MCM9: variants seen among roughly 807,000 people sequenced by gnomAD.
MCM9 encodes minichromosome maintenance 9 homologous recombination repair factor.
MCM9 carries 55 observed loss-of-function variants against 72.8 expected under a neutral mutation model. The observed-to-expected ratio is 0.76, with a 90% CI of 0.61 to 0.95. The LOEUF (loss-of-function observed/expected upper bound fraction) is 0.95. Ranked by LOEUF, MCM9 falls within the 40% of genes least tolerant of loss-of-function variation. MCM9 has a pLI of 0.00. For missense variants in MCM9, 1,279 were observed against 1,377.0 expected (o/e 0.93, Z 1.13); for synonymous variants, 480 against 503.4 (o/e 0.95, Z 0.62).
chr6:118,888,306 A>G (rs1008316627), intron 8 of MCM9, among the ~76,000 whole-genome samples: 2 of 152,194 alleles, frequency 1.3e-5, no homozygotes, highest in East Asian at 3.9e-4. Flanking sequence ...CTAACACCGT[A>G]AAACCCCGTC....
At position 118,921,990 on chromosome 6, in the gene MCM9, T is replaced by A. The variant is rs1781469530; in HGVS notation, c.703+15A>T. 2 of 1,598,486 alleles carry A rather than the reference T, an allele frequency of 1.3e-6. No homozygotes were observed. Among genetic ancestry groups the A allele is most frequent in the Non-Finnish European group, 1.7e-6 (2 of 1,171,646 alleles). ...ACTACCTACACAAGCTAAAAAAAAA[T>A]TCCCCTCTTCTTACCAGATTTGCAA... On this transcript the variant is annotated intron_variant, in intron 5 of 13. Coordinates refer to ENST00000619706, the MANE Select transcript of MCM9 (RefSeq NM_017696.3).
intron 8 of MCM9, among the ~76,000 whole-genome samples, chr6:118,871,334 A>C (rs1777582017): frequency 6.6e-6 from 1 of 152,252 alleles, no homozygotes; most frequent in Non-Finnish European, 1.5e-5. Context: ...TATGCTAATC[A>C]GTAAATATGA....
chr6:118,918,084 G>A (rs920024173), intron 5 of MCM9: 8 of 296,218 alleles, frequency 2.7e-5, no homozygotes, highest in Admixed American at 4.8e-5. Flanking sequence ...AGTTACATTG[G>A]ATGAAATGTT....
chr6:118,900,939 T>C, intron 8 of MCM9: 1 of 1,185,198 alleles, frequency 8.4e-7, no homozygotes, highest in East Asian at 2.3e-5. Flanking sequence ...GACTATATTA[T>C]CTATTATCTT....
Position 118,931,539 on chromosome 6 carries a change from G to A in MCM9, c.185C>T (p.Pro62Leu), listed in dbSNP as rs1438440449. Residue 62 changes from proline (P) to leucine (L), a missense_variant, in exon 3 of 14, where the codon CCC (proline) becomes CTC (leucine). Physicochemically the swap from Pro to Leu is moderately conservative, Grantham distance 98 (BLOSUM62 -3). Coordinates refer to ENST00000619706, the MANE Select transcript of MCM9 (RefSeq NM_017696.3). The part of the protein sequence containing the change: ...MEIGEYFNMF[P>L]SEVLTIFDSA... Reference sequence around the variant, plus strand: ...ATCAAAAATTGTAAGCACTTCACTGGGGAACATGTTGAAATATTCCCCGAT... The same window carrying A: ...ATCAAAAATTGTAAGCACTTCACTGAGGAACATGTTGAAATATTCCCCGAT... 1.2e-6 allele frequency: 2 copies of A among 1,613,896 alleles called. No homozygotes were observed. The highest frequency in any genetic ancestry group is 1.7e-5 in the Admixed American group (1 of 59,984).
chr6:118,880,329 G>A (rs534331848), intron 8 of MCM9, among the ~76,000 whole-genome samples: 5 of 152,282 alleles, frequency 3.3e-5, no homozygotes, highest in African/African-American at 1.2e-4. Context: ...TGTTTGAAGA[G>A]GAATGAGCTG....
chr6:118,892,522 T>G (rs975520299), intron 8 of MCM9, among the ~76,000 whole-genome samples: 2 of 152,224 alleles, frequency 1.3e-5, no homozygotes, highest in Non-Finnish European at 2.9e-5. Context: ...ATCAGACAAC[T>G]GCATACACCA....
chr6:118,909,589 C>G (rs1285624426), intron 8 of MCM9, among the ~76,000 whole-genome samples: 1 of 152,154 alleles, frequency 6.6e-6, no homozygotes, highest in Non-Finnish European at 1.5e-5. Flanking sequence ...AGAATATAAA[C>G]ATGAACCAAT....
At chr6:118,899,968 C>T (rs952253004) in intron 8 of MCM9, among the ~76,000 whole-genome samples, 1 of 152,212 alleles carries the variant, frequency 6.6e-6, no homozygotes, top group East Asian at 1.9e-4. Context: ...CCAAAGAGTT[C>T]TACTCATCTC....
At chr6:118,862,696 G>A (rs182216440) in intron 8 of MCM9, among the ~76,000 whole-genome samples, 95 of 152,144 alleles carry the variant, frequency 6.2e-4, no homozygotes, top group South Asian at 4.4e-3. Context: ...ACATAGCTTC[G>A]ATTACTTGCC....
At chr6:118,893,777 A>AATTC (rs1779112096) in intron 8 of MCM9, among the ~76,000 whole-genome samples, 1 of 152,096 alleles carries the variant, frequency 6.6e-6, no homozygotes, top group African/African-American at 2.4e-5. Flanking sequence ...TCATCTGCTA[A>AATTC]ATTCAGCAAG....
chr6:118,866,641 G>A (rs1000377972), intron 8 of MCM9, among the ~76,000 whole-genome samples: 1 of 152,072 alleles, frequency 6.6e-6, no homozygotes, highest in Non-Finnish European at 1.5e-5. Flanking sequence ...CCAGTCTGAG[G>A]AGAAAAAAGA....
At chr6:118,817,713 C>T (rs1003902120) in intron 13 of MCM9, among the ~76,000 whole-genome samples, 1 of 152,202 alleles carries the variant, frequency 6.6e-6, no homozygotes, top group Non-Finnish European at 1.5e-5. Context: ...GGAATCGCCA[C>T]ACTGTCTTCC....
intron 8 of MCM9, chr6:118,909,067 TCTGA>T (rs1262394432): frequency 1.3e-5 from 2 of 152,224 alleles, no homozygotes; most frequent in South Asian, 2.1e-4. Context: ...GTAAAATACT[TCTGA>T]CTGTTAAAAC....
At chr6:118,881,844 A>C (rs980252295) in intron 8 of MCM9, among the ~76,000 whole-genome samples, 1 of 152,214 alleles carries the variant, frequency 6.6e-6, no homozygotes, top group Non-Finnish European at 1.5e-5. Flanking sequence ...AGAGTCTAAG[A>C]CACTTAAATC....
intron 8 of MCM9, among the ~76,000 whole-genome samples, chr6:118,893,294 A>G (rs1170363876): frequency 1.3e-5 from 2 of 152,168 alleles, no homozygotes; most frequent in Non-Finnish European, 2.9e-5. Flanking sequence ...TGAAGATCAA[A>G]TGTCTTGCTA....
chr6:118,823,318 C>T (rs967968141), intron 13 of MCM9, among the ~76,000 whole-genome samples: 1 of 152,120 alleles, frequency 6.6e-6, no homozygotes, highest in African/African-American at 2.4e-5. Flanking sequence ...TAGCACAGTC[C>T]CTCACTGCTT....
At chr6:118,925,110 G>T (rs1781784558) in intron 3 of MCM9, among the ~76,000 whole-genome samples, 1 of 151,956 alleles carries the variant, frequency 6.6e-6, no homozygotes, top group Non-Finnish European at 1.5e-5. Flanking sequence ...AGGGGGAAAA[G>T]GGGAGAGGAG....
At position 118,814,913 on chromosome 6, in the gene MCM9, C is replaced by CA; in HGVS notation, c.3342dup (p.Val1115CysfsTer14). The CA allele has an allele frequency of 6.5e-7, 1 of 1,549,818 alleles. No individual in the cohort carries two copies. Among genetic ancestry groups the CA allele is most frequent in the Non-Finnish European group, 8.7e-7 (1 of 1,146,676 alleles). ...AAAGTGAAGAGGGATTCTTTGGAAA[C>CA]AATCAGTTTCTCGGTGGACCCACGG... is the stretch of plus-strand genomic sequence containing the variant. On this transcript the variant is annotated frameshift_variant, in exon 14 of 14. Coordinates refer to ENST00000619706, the MANE Select transcript of MCM9 (RefSeq NM_017696.3). LOFTEE classifies it high-confidence loss of function.
Sources: allele counts gnomAD v4.1 joint callset (sites outside exome capture counted in the v4.1 genomes callset), GRCh38; gene constraint gnomAD v4.1.1; transcripts MANE v1.5; gene names NCBI Gene and HGNC (gene_info 2026-07-23, HGNC 2026-07-21).